CCNK: variants seen among roughly 807,000 people sequenced by gnomAD.
CCNK encodes the protein cyclin-K.
CCNK carries 9 observed loss-of-function variants against 65.0 expected under a neutral mutation model. That is an observed-to-expected ratio of 0.14 (90% CI 0.08 to 0.24). The LOEUF (loss-of-function observed/expected upper bound fraction) is 0.24. Among genes scored for constraint, CCNK ranks in the 10% least tolerant of loss-of-function variants. CCNK has a pLI of 1.00. For missense variants in CCNK, 474 were observed against 720.0 expected (o/e 0.66, Z 3.91); for synonymous variants, 279 against 270.8 (o/e 1.03, Z -0.30).
At chr14:99,482,421 G>T (rs1266705773) in intron 1 of CCNK, among the ~76,000 whole-genome samples, 1 of 152,194 alleles carries the variant, frequency 6.6e-6, no homozygotes, top group Non-Finnish European at 1.5e-5. Context: ...TAAGCCCTCT[G>T]TATTGCTGAA....
chr14:99,488,261 T>C lies in CCNK; in HGVS notation c.-52-4365T>C, dbSNP rs911844643. Among the ~76,000 whole-genome samples the C allele has an allele frequency of 2.6e-5, 4 of 151,650 alleles. No individual in the cohort carries two copies. The South Asian group carries it at 8.3e-4, about 32-fold the overall frequency. On this transcript the variant is annotated intron_variant, in intron 1 of 10. Transcript: ENST00000389879. ...TATACTTAAATTTTTCCAAATTGTT[T>C]GAAATTTCTTTTTTTTAAAAAAAAA...
chr14:99,503,523 G>A (rs1206150888), intron 8 of CCNK, 88 bp from the exon 9 acceptor site: 2 of 1,162,476 alleles, frequency 1.7e-6, no homozygotes, highest in African/African-American at 3.1e-5. Context: ...GACTGCCGTC[G>A]CTGATTCTGG....
rs1897152354 is a variant in CCNK at position 99,512,437 on chromosome 14, A to T, written c.*1655A>T. On this transcript the variant is annotated 3_prime_UTR_variant, in exon 11 of 11. Transcript: ENST00000389879. ...ATGCATTTAGTTTTAAGAAAAAAAAAAAATCAGTAGTATGTATCTTGTTTC... is the reference window on the plus strand; with the variant it reads ...ATGCATTTAGTTTTAAGAAAAAAAATAAATCAGTAGTATGTATCTTGTTTC... 6.6e-6 allele frequency: 1 copy of T among 152,214 alleles called. No individual in the cohort carries two copies. The highest frequency in any genetic ancestry group is 1.5e-5 in the Non-Finnish European group (1 of 68,046). 9.4% of individuals were successfully genotyped at this position (152,214 alleles called of 1,614,324 possible).
chr14:99,503,127 G>C, intron 8 of CCNK, 143 bp downstream of exon 8: 1 of 957,638 alleles, frequency 1.0e-6, no homozygotes, highest in South Asian at 1.3e-5. Flanking sequence ...ACTGCTTGTC[G>C]GTGGGGAGCC....
chr14:99,501,613 A>G (rs1225179528), intron 6 of CCNK, 200 bp downstream of exon 6: 5 of 568,070 alleles, frequency 8.8e-6, no homozygotes, highest in Admixed American at 3.3e-5. Flanking sequence ...CTGCCGTGTC[A>G]TGGTGTTGTG....
At chr14:99,508,094 G>T (rs1443381596) in intron 10 of CCNK, 4 of 152,208 alleles carry the variant, frequency 2.6e-5, no homozygotes, top group African/African-American at 9.7e-5. Context: ...CTCACACTGG[G>T]GCTGACAGCA....
At chr14:99,501,935 T>C in intron 6 of CCNK, 1 of 301,124 alleles carries the variant, frequency 3.3e-6, no homozygotes, top group Non-Finnish European at 6.1e-6. Context: ...ACAGTTTAAA[T>C]AACATAAGTC....
chr14:99,504,140 T>C, intron 9 of CCNK: 1 of 301,758 alleles, frequency 3.3e-6, no homozygotes, highest in Non-Finnish European at 6.7e-6. Context: ...CAAAGTTAGT[T>C]CATGTCAATA....
At chr14:99,488,009 T>C (rs1896527087) in intron 1 of CCNK, among the ~76,000 whole-genome samples, 1 of 152,200 alleles carries the variant, frequency 6.6e-6, no homozygotes, top group African/African-American at 2.4e-5. Context: ...TGACAACTTA[T>C]TTACCTGTGG....
chr14:99,484,034 C>CA (rs924978878), intron 1 of CCNK, among the ~76,000 whole-genome samples: 12 of 151,494 alleles, frequency 7.9e-5, no homozygotes, highest in Admixed American at 2.6e-4. Context: ...GAGATTGTCT[C>CA]AAAAAAAATA....
chr14:99,501,682 T>C lies in CCNK; in HGVS notation c.575+269T>C, dbSNP rs192835632. ...AAGTCCAAAACAATACACTGGAGAA[T>C]TTTGAAAACTAATTACTTAGAGCCC... On this transcript the variant is annotated intron_variant, in intron 6 of 10. Coordinates refer to ENST00000389879, the MANE Select transcript of CCNK (RefSeq NM_001099402.2). 1.5e-3 allele frequency: 647 copies of C among 420,118 alleles called. 2 individuals carry two copies. The highest frequency in any genetic ancestry group is 2.0e-3 in the Non-Finnish European group (476 of 237,940). 26.0% of individuals were successfully genotyped at this position (420,118 alleles called of 1,614,324 possible). A position where few individuals can be genotyped will look rare whatever the true frequency, so the allele number is the denominator to read the frequency against.
chr14:99,485,687 A>T (rs1313091433), intron 1 of CCNK, among the ~76,000 whole-genome samples: 2 of 152,288 alleles, frequency 1.3e-5, no homozygotes, highest in East Asian at 3.9e-4. Flanking sequence ...TTGAGAACAG[A>T]TGCCTCAAAA....
intron 3 of CCNK, chr14:99,494,102 A>G (rs893772237): frequency 2.0e-5 from 3 of 153,186 alleles, no homozygotes; most frequent in South Asian, 2.0e-4. Context: ...GGAGGAGACA[A>G]CTTACATCTT....
intron 5 of CCNK, 161 bp downstream of exon 5, chr14:99,501,032 G>A (rs1314398050): frequency 3.2e-6 from 2 of 621,138 alleles, no homozygotes; most frequent in Admixed American, 3.2e-5. Context: ...AGCTGCTAAT[G>A]CTGTTTCCTT....
At chr14:99,491,366 T>C (rs2400677) in intron 1 of CCNK, among the ~76,000 whole-genome samples, 69,653 of 152,058 alleles carry the variant, frequency 0.46, 17,053 homozygotes, top group Non-Finnish European at 0.56. Context: ...GCTTATAAGA[T>C]CACCTGCTTC....
intron 1 of CCNK, among the ~76,000 whole-genome samples, chr14:99,481,956 T>A (rs1048992882): frequency 7.2e-5 from 11 of 152,188 alleles, no homozygotes; most frequent in Non-Finnish European, 1.2e-4. Context: ...AGGGTGCGGC[T>A]AAGATGAGGA....
chr14:99,495,760 A>G (rs1896687767), intron 4 of CCNK, 131 bp downstream of exon 4: 1 of 718,874 alleles, frequency 1.4e-6, no homozygotes, highest in Admixed American at 3.0e-5. Flanking sequence ...GGCCTTCTGT[A>G]GAAGTTACTT....
intron 4 of CCNK, among the ~76,000 whole-genome samples, chr14:99,497,211 C>CA (rs1448617518): frequency 1.3e-4 from 20 of 152,140 alleles, no homozygotes; most frequent in Admixed American, 1.0e-3. Flanking sequence ...AGTCTATTTT[C>CA]ATAGCCTTAA....
At chr14:99,501,097 A>G in intron 5 of CCNK, 2 of 599,268 alleles carry the variant, frequency 3.3e-6, no homozygotes, top group Non-Finnish European at 5.8e-6. Context: ...GAGGCAGGAA[A>G]ATGAGGCAGA....
Sources: allele counts gnomAD v4.1 joint callset (sites outside exome capture counted in the v4.1 genomes callset), GRCh38; gene constraint gnomAD v4.1.1; transcripts MANE v1.5; gene names NCBI Gene and HGNC (gene_info 2026-07-23, HGNC 2026-07-21).